Variants in RAPGEF4 observed in about 807,000 individuals in gnomAD.
RAPGEF4 encodes Rap guanine nucleotide exchange factor 4, also known as RAP guanine-nucleotide-exchange factor (GEF) 4.
Under a neutral mutation model 147.9 loss-of-function variants are expected in RAPGEF4, and 66 were observed. The ratio of observed to expected loss-of-function variants is 0.45; its 90% confidence interval spans 0.37 to 0.55. RAPGEF4 has a LOEUF of 0.55. Among genes scored for constraint, RAPGEF4 ranks in the 20% least tolerant of loss-of-function variants. The probability of loss-of-function intolerance (pLI) is 0.00; values close to 1 mark genes in which losing one functional copy is unlikely to be tolerated. For missense variants in RAPGEF4, 1,071 were observed against 1,257.3 expected (o/e 0.85, Z 2.24); for synonymous variants, 419 against 442.7 (o/e 0.95, Z 0.67).
intron 24 of RAPGEF4, 115 bp from the exon 25 acceptor site, chr2:173,026,966 G>T: frequency 1.0e-6 from 1 of 990,078 alleles, no homozygotes; most frequent in Non-Finnish European, 1.4e-6. Context: ...AGCCCTTCAA[G>T]TCTGATTGAC....
chr2:172,925,930 AGAG>A (rs1248189380), intron 6 of RAPGEF4, among the ~76,000 whole-genome samples: 1 of 134,894 alleles, frequency 7.4e-6, no homozygotes, highest in East Asian at 2.5e-4. Flanking sequence ...TAAAAAAGAA[AGAG>A]GAGGGAGGGA....
intron 23 of RAPGEF4, among the ~76,000 whole-genome samples, chr2:173,022,408 G>A (rs765472224): frequency 1.3e-5 from 2 of 152,290 alleles, no homozygotes; most frequent in East Asian, 1.9e-4. Context: ...CCCTATCAGC[G>A]CTCTGCCATT....
At chr2:172,914,798 T>C (rs1013160505) in intron 4 of RAPGEF4, among the ~76,000 whole-genome samples, 1 of 152,366 alleles carries the variant, frequency 6.6e-6, no homozygotes, top group Non-Finnish European at 1.5e-5. Context: ...AGCAAACTTT[T>C]TGGAACTTTG....
At chr2:172,799,903 A>G (rs1273606618) in intron 3 of RAPGEF4, among the ~76,000 whole-genome samples, 1 of 152,202 alleles carries the variant, frequency 6.6e-6, no homozygotes, top group African/African-American at 2.4e-5. Flanking sequence ...GTATTAAAAT[A>G]GTATCTGGCC....
intron 4 of RAPGEF4, chr2:172,860,128 A>G (rs1192870413): frequency 1.0e-6 from 1 of 985,352 alleles, no homozygotes; most frequent in Non-Finnish European, 1.2e-6. Context: ...GCTGCAGAAA[A>G]GCCAAGATAA....
intron 29 of RAPGEF4, among the ~76,000 whole-genome samples, chr2:173,046,122 G>A (rs545605204): frequency 1.3e-5 from 2 of 152,294 alleles, no homozygotes; most frequent in South Asian, 4.1e-4. Context: ...AATGGACCTC[G>A]CTGTGAAGCC....
At chr2:172,915,174 T>A (rs1344088630) in intron 4 of RAPGEF4, among the ~76,000 whole-genome samples, 1 of 152,256 alleles carries the variant, frequency 6.6e-6, no homozygotes, top group Non-Finnish European at 1.5e-5. Flanking sequence ...AATTTGGTAA[T>A]CTTCACTATA....
At chr2:172,922,402 C>A in intron 6 of RAPGEF4, 102 bp downstream of exon 6, 5 of 1,103,590 alleles carry the variant, frequency 4.5e-6, no homozygotes, top group Non-Finnish European at 6.8e-6. Flanking sequence ...CCACATTCAA[C>A]AGAGCAATAA....
chr2:172,891,027 A>G (rs148111908), intron 4 of RAPGEF4, among the ~76,000 whole-genome samples: 2,377 of 152,280 alleles, frequency 0.016, 24 homozygotes, highest in South Asian at 0.036. Flanking sequence ...GCTACGTGGG[A>G]GGCTGAGGCA....
At chr2:172,860,372 T>C (rs1393388906) in intron 4 of RAPGEF4, 1 of 949,346 alleles carries the variant, frequency 1.1e-6, no homozygotes, top group Non-Finnish European at 1.3e-6. Flanking sequence ...TTCTCTTCTC[T>C]GTGTTTTCAT....
chr2:172,849,159 T>C (rs1692548064), intron 4 of RAPGEF4, among the ~76,000 whole-genome samples: 1 of 152,112 alleles, frequency 6.6e-6, no homozygotes, highest in Non-Finnish European at 1.5e-5. Flanking sequence ...AGTCAGTCTC[T>C]GATTTATTGA....
At chr2:172,888,740 C>T (rs985369881) in intron 4 of RAPGEF4, among the ~76,000 whole-genome samples, 2 of 152,138 alleles carry the variant, frequency 1.3e-5, no homozygotes, top group African/African-American at 2.4e-5. Flanking sequence ...TTGTTATGAT[C>T]GAATTAATAA....
At chr2:172,845,707 C>G (rs1398595325) in intron 4 of RAPGEF4, among the ~76,000 whole-genome samples, 2 of 152,176 alleles carry the variant, frequency 1.3e-5, no homozygotes, top group East Asian at 3.8e-4. Flanking sequence ...GTGACATTTA[C>G]CATTTTAACC....
chr2:172,990,793 G>A lies in RAPGEF4; in HGVS notation c.1375-17G>A. 1 of 1,590,804 alleles carries A rather than the reference G, an allele frequency of 6.3e-7. No individual in the cohort carries two copies. The highest frequency in any genetic ancestry group is 8.6e-7 in the Non-Finnish European group (1 of 1,159,816). On this transcript the variant is annotated splice_polypyrimidine_tract_variant and intron_variant, in intron 14 of 30. Transcript: ENST00000397081. ...GTAAGCGGCAGCATCTGTATGTGGTGTAATTTGTATTTGCAGGACGTGGAG... is the reference window on the plus strand; with the variant it reads ...GTAAGCGGCAGCATCTGTATGTGGTATAATTTGTATTTGCAGGACGTGGAG...
intron 6 of RAPGEF4, among the ~76,000 whole-genome samples, chr2:172,937,724 C>G (rs1340053809): frequency 6.6e-6 from 1 of 152,182 alleles, no homozygotes; most frequent in African/African-American, 2.4e-5. Flanking sequence ...TTCTTGATAG[C>G]AGAATAGCTA....
In RAPGEF4 at chr2:172,864,459, G is replaced by A. The variant is rs545253411; in HGVS notation, c.444+50034G>A. 5.9e-5 allele frequency among the ~76,000 whole-genome samples: 9 copies of A among 152,304 alleles called. No individual in the cohort carries two copies. The East Asian group carries it at 1.7e-3, about 29-fold the overall frequency. On this transcript the variant is annotated intron_variant, in intron 4 of 30. Transcript: ENST00000397081. ...CTCTTGAGTCTGGGATTCGGCTCTTGACTGGGTAGACCTGAGGAACCTCCA... is the reference window on the plus strand; with the variant it reads ...CTCTTGAGTCTGGGATTCGGCTCTTAACTGGGTAGACCTGAGGAACCTCCA...
chr2:172,999,646 A>C (rs1693704425), intron 16 of RAPGEF4, among the ~76,000 whole-genome samples: 1 of 152,224 alleles, frequency 6.6e-6, no homozygotes, highest in Non-Finnish European at 1.5e-5. Context: ...GTTCTTAAGC[A>C]AATTTTAACC....
chr2:173,028,203 A>G (rs975584988), intron 25 of RAPGEF4, among the ~76,000 whole-genome samples: 5 of 152,254 alleles, frequency 3.3e-5, no homozygotes, highest in Admixed American at 2.0e-4. Context: ...AAAAGCTGCT[A>G]TCTGTTAATA....
At chr2:172,833,863 A>G (rs763878877) in intron 4 of RAPGEF4, among the ~76,000 whole-genome samples, 62 of 152,178 alleles carry the variant, frequency 4.1e-4, no homozygotes, top group Non-Finnish European at 7.2e-4. Flanking sequence ...ATCCCTAAGG[A>G]CATACAGTAT....
Sources: gnomAD v4.1 joint callset for allele counts (sites outside exome capture counted in the v4.1 genomes callset) on GRCh38, gnomAD v4.1.1 for gene constraint, MANE v1.5 for transcripts, NCBI Gene and HGNC (gene_info 2026-07-23, HGNC 2026-07-21) for gene names.